NRP2: variants seen among roughly 807,000 people sequenced by gnomAD.
NRP2 encodes the protein neuropilin-2.
A neutral mutation model predicts 110.4 loss-of-function variants in NRP2; 52 were observed. The observed-to-expected ratio is 0.47, with a 90% CI of 0.38 to 0.59. The LOEUF (loss-of-function observed/expected upper bound fraction) is 0.59, where lower values mean the gene tolerates loss of function less well. Ranked by LOEUF, NRP2 falls within the 20% of genes least tolerant of loss-of-function variation. NRP2 has a pLI of 0.00. For missense variants in NRP2, 1,049 were observed against 1,203.0 expected (o/e 0.87, Z 1.89); for synonymous variants, 508 against 468.9 (o/e 1.08, Z -1.08).
rs145337178 is a variant in NRP2, at chr2:205,715,226, G to A, written c.252-967G>A. 5.9e-5 allele frequency among the ~76,000 whole-genome samples: 9 copies of A among 152,252 alleles called. 1 individual carries two copies. The highest frequency in any genetic ancestry group is 1.9e-4 in the African/African-American group (8 of 41,532). On this transcript the variant is annotated intron_variant, in intron 2 of 16. Transcript: ENST00000357785. ...AGTGAGGACTGCCAGAGCACATACC[G>A]GGGCTGGAAAATGTGTGTCTGTCAA...
chr2:205,765,812 G>A (rs1053963144), intron 14 of NRP2: 17 of 622,828 alleles, frequency 2.7e-5, no homozygotes, highest in African/African-American at 7.2e-5. Flanking sequence ...CATGCACTAA[G>A]TACATAGAGG....
chr2:205,770,205 G>GT (rs2057999246), intron 15 of NRP2, among the ~76,000 whole-genome samples: 1 of 152,150 alleles, frequency 6.6e-6, no homozygotes, highest in Non-Finnish European at 1.5e-5. Flanking sequence ...AATGTCTCCC[G>GT]TTTCAGCTGG....
At chr2:205,766,846 T>G (rs1301210278) in intron 15 of NRP2, 43 bp downstream of exon 15, 1 of 1,575,640 alleles carries the variant, frequency 6.3e-7, no homozygotes, top group Non-Finnish European at 8.7e-7. Context: ...TTTTGCATGC[T>G]TTTTCCTTCC....
At chr2:205,712,213 T>C (rs1157723198) in intron 2 of NRP2, among the ~76,000 whole-genome samples, 1 of 151,954 alleles carries the variant, frequency 6.6e-6, no homozygotes, top group African/African-American at 2.4e-5. Context: ...AATAAAGAAC[T>C]GGGAGTAGAG....
intron 4 of NRP2, 111 bp downstream of exon 4, chr2:205,722,819 T>A (rs1045676922): frequency 2.5e-6 from 2 of 805,818 alleles, no homozygotes; most frequent in African/African-American, 3.4e-5. Context: ...AGTTCTTATA[T>A]GACCCATGGT....
At chr2:205,771,096 G>A (rs934025334) in intron 15 of NRP2, among the ~76,000 whole-genome samples, 7 of 152,226 alleles carry the variant, frequency 4.6e-5, no homozygotes, top group African/African-American at 7.2e-5. Flanking sequence ...TGCCACCAAA[G>A]AGTGTGAAGC....
At chr2:205,698,325 A>G (rs2056480760) in intron 2 of NRP2, among the ~76,000 whole-genome samples, 2 of 152,184 alleles carry the variant, frequency 1.3e-5, no homozygotes, top group South Asian at 4.1e-4. Flanking sequence ...TATTTAACAA[A>G]CACTCTTCTA....
At chr2:205,749,187 CTCCTCTCTCTCCAACCT>C (rs1269259942) in intron 10 of NRP2, among the ~76,000 whole-genome samples, 2 of 152,184 alleles carry the variant, frequency 1.3e-5, no homozygotes, top group African/African-American at 4.8e-5. Flanking sequence ...CTTTCACCAC[CTCCTCTCTCTCCAACCT>C]TCCCCTGCCC....
At chr2:205,762,844 T>C (rs1279327915) in intron 12 of NRP2, among the ~76,000 whole-genome samples, 1 of 152,196 alleles carries the variant, frequency 6.6e-6, no homozygotes, top group Non-Finnish European at 1.5e-5. Flanking sequence ...CATGAGTGTC[T>C]GATGAATTTG....
chr2:205,783,735 G>T (rs186874650), intron 15 of NRP2, among the ~76,000 whole-genome samples: 63 of 152,354 alleles, frequency 4.1e-4, no homozygotes, highest in African/African-American at 1.4e-3. Context: ...TGGAGGAGAA[G>T]CCCAGAGACC....
chr2:205,735,785 G>A (rs1006678236), intron 7 of NRP2, among the ~76,000 whole-genome samples: 1 of 152,052 alleles, frequency 6.6e-6, no homozygotes, highest in African/African-American at 2.4e-5. Context: ...AAAAATGCTG[G>A]ATTATATTCA....
chr2:205,771,156 T>C (rs1380640154), intron 15 of NRP2, among the ~76,000 whole-genome samples: 1 of 152,178 alleles, frequency 6.6e-6, no homozygotes, highest in Non-Finnish European at 1.5e-5. Context: ...CATTTAAAAA[T>C]GCCTCTAGAT....
At chr2:205,767,096 C>T in intron 15 of NRP2, 1 of 476,962 alleles carries the variant, frequency 2.1e-6, no homozygotes, top group South Asian at 2.5e-5. Context: ...AGCAATGAGG[C>T]TGAAAATGCA....
At chr2:205,743,771 G>A (rs1051903224) in intron 9 of NRP2, 25 of 797,458 alleles carry the variant, frequency 3.1e-5, no homozygotes, top group Non-Finnish European at 3.9e-5. Context: ...TTTTTGAGAT[G>A]GAGTCTCTGT....
Position 205,727,962 on chromosome 2 carries a change from T to C in NRP2, c.1062T>C (p.Asn354=). The change falls in exon 7 of 17, where the codon AAT becomes AAC. Residue 354 remains asparagine (N), a synonymous_variant. Coordinates refer to ENST00000357785, the MANE Select transcript of NRP2 (RefSeq NM_003872.3). Reference sequence around the variant, plus strand: ...GAGCGATTTCCAGGGAAACACAGAATGGCTACTATGTCAAATCCTACAAGC... The same window carrying C: ...GAGCGATTTCCAGGGAAACACAGAACGGCTACTATGTCAAATCCTACAAGC... ...TQGAISRETQ[N]GYYVKSYKLE... The C allele has an allele frequency of 6.2e-7, 1 of 1,614,144 alleles. No individual in the cohort carries two copies. Among genetic ancestry groups the C allele is most frequent in the Non-Finnish European group, 8.5e-7 (1 of 1,180,018 alleles).
In NRP2 at chr2:205,763,522, A is replaced by G. The variant is rs1274961119; in HGVS notation, c.2045-152A>G. The G allele has an allele frequency of 2.9e-6, 3 of 1,023,392 alleles. No individual in the cohort carries two copies. The highest frequency in any genetic ancestry group is 1.8e-5 in the Admixed American group (1 of 54,570). The allele number at this position is 1,023,392 out of a possible 1,614,324, so 63.4% of individuals were successfully genotyped here. A position where few individuals can be genotyped will look rare whatever the true frequency, so the allele number is the denominator to read the frequency against. On this transcript the variant is annotated intron_variant, in intron 12 of 16. Coordinates refer to ENST00000357785, the MANE Select transcript of NRP2 (RefSeq NM_003872.3). The surrounding 1 kb of genome is among the most constrained non-coding windows in gnomAD (Gnocchi z 4.0). ...GAATCAAGGCTCTGAAGGAGCCTTAAGAAAGGGTCACAGAGCCTGGAGAAC... is the reference window on the plus strand; with the variant it reads ...GAATCAAGGCTCTGAAGGAGCCTTAGGAAAGGGTCACAGAGCCTGGAGAAC...
chr2:205,762,846 A>T (rs1206158705), intron 12 of NRP2, among the ~76,000 whole-genome samples: 4 of 152,216 alleles, frequency 2.6e-5, no homozygotes, highest in Admixed American at 2.6e-4. Flanking sequence ...TGAGTGTCTG[A>T]TGAATTTGAA....
intron 3 of NRP2, among the ~76,000 whole-genome samples, chr2:205,720,715 T>G (rs1356583781): frequency 6.6e-6 from 1 of 152,212 alleles, no homozygotes; most frequent in Non-Finnish European, 1.5e-5. Context: ...CTGGCTTGGC[T>G]TTGCTGAATT....
chr2:205,741,857 G>A (rs1379679652), intron 8 of NRP2, among the ~76,000 whole-genome samples: 1 of 152,190 alleles, frequency 6.6e-6, no homozygotes, highest in Non-Finnish European at 1.5e-5. Context: ...GGTAAGGTGG[G>A]CCAGGGACTG....
Sources: allele counts gnomAD v4.1 joint callset (sites outside exome capture counted in the v4.1 genomes callset), GRCh38; gene constraint gnomAD v4.1.1; non-coding constraint Gnocchi (gnomAD v3.1); transcripts MANE v1.5; gene names NCBI Gene and HGNC (gene_info 2026-07-23, HGNC 2026-07-21).